PRDM2: variants seen among roughly 807,000 people sequenced by gnomAD.
PRDM2 encodes the protein PR domain zinc finger protein 2.
In PRDM2, 30 loss-of-function variants were observed where a neutral mutation model predicts 130.0. The observed-to-expected ratio is 0.23, with a 90% CI of 0.17 to 0.31. The LOEUF (loss-of-function observed/expected upper bound fraction) is 0.31. Ranked by LOEUF, PRDM2 falls within the 10% of genes least tolerant of loss-of-function variation. The pLI is 1.00. For synonymous variants in PRDM2, 871 were observed against 782.4 expected, an observed-to-expected ratio of 1.11 and a Z score of -1.89; for missense variants, 2,011 against 2,108.4, an observed-to-expected ratio of 0.95 and a Z score of 0.90.
chr1:13,799,114 G>A (rs963026778), intron 8 of PRDM2, among the ~76,000 whole-genome samples: 5 of 152,126 alleles, frequency 3.3e-5, no homozygotes, highest in Admixed American at 6.5e-5. Context: ...CACTAAGTCC[G>A]GCATGTTCAC....
intron 1 of PRDM2, chr1:13,705,477 C>T (rs1642179503): frequency 6.6e-6 from 1 of 152,142 alleles, no homozygotes; most frequent in Non-Finnish European, 1.5e-5. Flanking sequence ...TTTTCTACCT[C>T]CTTCCGTGCC....
intron 8 of PRDM2, among the ~76,000 whole-genome samples, chr1:13,795,517 C>T (rs1644909465): frequency 6.6e-6 from 1 of 152,204 alleles, no homozygotes; most frequent in Non-Finnish European, 1.5e-5. Flanking sequence ...GGTCACGCCC[C>T]TGTGCCGCCT....
intron 6 of PRDM2, among the ~76,000 whole-genome samples, chr1:13,750,705 TGTA>T (rs927496034): frequency 1.3e-5 from 2 of 152,158 alleles, no homozygotes; most frequent in African/African-American, 4.8e-5. Context: ...TTGAATGTGA[TGTA>T]GTCACTGCTT....
intron 4 of PRDM2, among the ~76,000 whole-genome samples, chr1:13,734,398 G>A (rs142834899): frequency 1.3e-5 from 2 of 152,298 alleles, no homozygotes; most frequent in African/African-American, 4.8e-5. Flanking sequence ...ACCAGAAACT[G>A]CTTTCTCTAG....
At chr1:13,705,801 G>C (rs747880543) in intron 1 of PRDM2, among the ~76,000 whole-genome samples, 1 of 151,880 alleles carries the variant, frequency 6.6e-6, no homozygotes, top group Non-Finnish European at 1.5e-5. Context: ...GGCCAACATG[G>C]TGAAACCCCA....
rs772248707 is a variant in PRDM2 at position 13,780,726 on chromosome 1, C to G, written c.2931C>G (p.Pro977=). The G allele has an allele frequency of 1.3e-5, 21 of 1,594,894 alleles. No individual in the cohort carries two copies. The highest frequency in any genetic ancestry group is 1.7e-5 in the Non-Finnish European group (20 of 1,168,930). The change falls in exon 8 of 10, where the codon CCC becomes CCG. Residue 977 remains proline, a synonymous_variant. Transcript: ENST00000311066. ...PTDPSSPPPC[P]PVLTVATPPP... is the part of the protein sequence containing the mutation. ...ATCCCTCTTCCCCTCCACCCTGTCC[C>G]CCGGTATTAACTGTTGCCACTCCGC...
intron 6 of PRDM2, among the ~76,000 whole-genome samples, chr1:13,752,349 C>T (rs573560236): frequency 1.3e-5 from 2 of 152,220 alleles, no homozygotes; most frequent in Admixed American, 1.3e-4. Context: ...AATTGAGCTT[C>T]ACTTTTTACA....
At chr1:13,773,033 ATAAAAAAAAAATGAATGAATAAAT>A (rs1299011597) in intron 6 of PRDM2, 21 bp from the exon 7 acceptor site, 2 of 1,139,998 alleles carry the variant, frequency 1.8e-6, no homozygotes, top group African/African-American at 3.2e-5. Context: ...GAATGAATAA[ATAAAAAAAAAATGAATGAATAAAT>A]TAAAAAAAAT....
At chr1:13,749,150 C>T (rs1643713073) in intron 5 of PRDM2, among the ~76,000 whole-genome samples, 1 of 151,938 alleles carries the variant, frequency 6.6e-6, no homozygotes, top group Non-Finnish European at 1.5e-5. Flanking sequence ...CGCCCCACGC[C>T]GCGGGTGCGG....
At chr1:13,747,905 C>CTGTCAA (rs2100528520) in intron 5 of PRDM2, among the ~76,000 whole-genome samples, 1 of 152,240 alleles carries the variant, frequency 6.6e-6, no homozygotes, top group Admixed American at 6.5e-5. Flanking sequence ...TACTCAGGTT[C>CTGTCAA]TGTCAATTGT....
intron 8 of PRDM2, among the ~76,000 whole-genome samples, chr1:13,815,028 G>A (rs59235401): frequency 1.3e-4 from 20 of 152,176 alleles, no homozygotes; most frequent in Non-Finnish European, 1.9e-4. Context: ...GATTGTTTGT[G>A]TATGGAAAAT....
At chr1:13,704,622 TA>T (rs1028771864) in intron 1 of PRDM2, among the ~76,000 whole-genome samples, 15 of 152,232 alleles carry the variant, frequency 9.9e-5, no homozygotes, top group Non-Finnish European at 1.9e-4. Context: ...AGTTTGATTA[TA>T]GGGGGCAGTC....
intron 4 of PRDM2, among the ~76,000 whole-genome samples, chr1:13,736,114 C>CT (rs766095858): frequency 0.022 from 2,881 of 131,986 alleles, 48 homozygotes; most frequent in South Asian, 0.088. Flanking sequence ...TGTTTCTTTT[C>CT]TTTTTTTTTT....
At chr1:13,756,437 A>G (rs1476446320) in intron 6 of PRDM2, among the ~76,000 whole-genome samples, 1 of 152,216 alleles carries the variant, frequency 6.6e-6, no homozygotes, top group African/African-American at 2.4e-5. Flanking sequence ...TATATTTCAC[A>G]TGCTGCCAAG....
rs1212527966 is a variant in PRDM2 at position 13,781,217 on chromosome 1, C to T, written c.3422C>T (p.Ser1141Leu). The T allele has an allele frequency of 6.8e-6, 11 of 1,614,104 alleles. No homozygotes were observed. The highest frequency in any genetic ancestry group is 9.3e-6 in the Non-Finnish European group (11 of 1,180,046). The change falls in exon 8 of 10, where the codon TCA (serine) becomes TTA (leucine). Residue 1141 changes from serine to leucine, a missense_variant. By Grantham distance (145) the Ser-to-Leu change is moderately radical. Transcript: ENST00000311066. The surrounding 1 kb of genome is among the most constrained non-coding windows in gnomAD (Gnocchi z 6.1). Reference sequence around the variant, plus strand: ...AACTTTGTTTGCAACGTCTGTGAATCACCTTTTCTTTCCATTAAAGATCTA... The same window carrying T: ...AACTTTGTTTGCAACGTCTGTGAATTACCTTTTCTTTCCATTAAAGATCTA... ...NKNFVCNVCE[S>L]PFLSIKDLTK...
intron 2 of PRDM2, among the ~76,000 whole-genome samples, chr1:13,730,355 C>A (rs1021207611): frequency 9.2e-5 from 14 of 152,112 alleles, no homozygotes; most frequent in African/African-American, 3.1e-4. Context: ...TAAAAAAATT[C>A]TCTGTTTCTT....
intron 8 of PRDM2, chr1:13,787,453 GTT>G (rs1358971280): frequency 1.0e-6 from 1 of 985,172 alleles, no homozygotes; most frequent in African/African-American, 1.7e-5. Flanking sequence ...AAGCGGCTAG[GTT>G]TTATTCATAC....
At chr1:13,760,976 G>T (rs561756333) in intron 6 of PRDM2, among the ~76,000 whole-genome samples, 10 of 152,304 alleles carry the variant, frequency 6.6e-5, no homozygotes, top group African/African-American at 2.4e-4. Context: ...AGAGTAAAGG[G>T]CCTGTTTGGA....
At chr1:13,754,466 C>A (rs1323178289) in intron 6 of PRDM2, among the ~76,000 whole-genome samples, 1 of 152,240 alleles carries the variant, frequency 6.6e-6, no homozygotes, top group Non-Finnish European at 1.5e-5. Flanking sequence ...ATGAGTGTCA[C>A]AGTCAGAATT....
Sources: gnomAD v4.1 joint callset for allele counts (sites outside exome capture counted in the v4.1 genomes callset) on GRCh38, gnomAD v4.1.1 for gene constraint, Gnocchi (gnomAD v3.1) non-coding constraint, MANE v1.5 for transcripts, NCBI Gene and HGNC (gene_info 2026-07-23, HGNC 2026-07-21) for gene names.